The following OR52I2 variants were observed in gnomAD, a reference collection of about 807,000 sequenced individuals.
OR52I2 encodes the protein olfactory receptor family 52 subfamily I member 2.
For synonymous variants in OR52I2, 147 were observed against 151.9 expected (o/e 0.97, Z 0.24); for missense variants, 350 against 402.4 (o/e 0.87, Z 1.11).
intron 1 of OR52I2, among the ~76,000 whole-genome samples, chr11:4,583,962 A>G (rs536360198): frequency 1.3e-5 from 2 of 152,314 alleles, no homozygotes; most frequent in Admixed American, 1.3e-4. Context: ...TGCTTGGCTA[A>G]CAGAGAAAAT....
chr11:4,583,647 A>C (rs1039009512), intron 1 of OR52I2, among the ~76,000 whole-genome samples: 2 of 152,234 alleles, frequency 1.3e-5, no homozygotes, highest in African/African-American at 4.8e-5. Flanking sequence ...AGCAGTTTAC[A>C]GTGAGCTCCT....
chr11:4,587,867 C>T lies in OR52I2; in HGVS notation c.*2C>T, dbSNP rs771471204. The T allele has an allele frequency of 1.7e-5, 28 of 1,611,110 alleles. No homozygotes were observed. In the South Asian group the frequency reaches 2.5e-4, roughly 15 times the overall value. On this transcript the variant is annotated 3_prime_UTR_variant, in exon 2 of 2. Transcript: ENST00000641896. ...GACCATTCCAACCTGGGTTCATGAA[C>T]ACAATATCTGTTCAGATCCAGCCAA...
intron 1 of OR52I2, among the ~76,000 whole-genome samples, 196 bp downstream of exon 1, chr11:4,582,060 A>G (rs1564858924): frequency 1.3e-5 from 2 of 152,190 alleles, no homozygotes; most frequent in Non-Finnish European, 2.9e-5. Flanking sequence ...GGAGGTGGAG[A>G]GGGAACGGAA....
At chr11:4,582,180 C>T (rs1766392323) in intron 1 of OR52I2, among the ~76,000 whole-genome samples, 1 of 152,038 alleles carries the variant, frequency 6.6e-6, no homozygotes, top group Non-Finnish European at 1.5e-5. Flanking sequence ...ATAATCCAAG[C>T]AATAGGGGTG....
exon 2 of OR52I2, chr11:4,586,927 C>A: frequency 6.2e-7 from 1 of 1,614,122 alleles, no homozygotes; most frequent in African/African-American, 1.3e-5. Flanking sequence ...AATGGAAACC[C>A]CTGCCTCCTT....
chr11:4,585,854 C>T (rs927896102), intron 1 of OR52I2, among the ~76,000 whole-genome samples: 1 of 152,192 alleles, frequency 6.6e-6, no homozygotes, highest in Admixed American at 6.5e-5. Flanking sequence ...GATGTTTGAT[C>T]TATTTTACAA....
chr11:4,591,578 C>T (rs1018151341), exon 2 of OR52I2: 5 of 152,170 alleles, frequency 3.3e-5, no homozygotes, highest in Admixed American at 2.6e-4. Context: ...ATGGTCTGGT[C>T]TACACTTGAG....
At chr11:4,588,597 T>TCCTTGC (rs1383469408) in exon 2 of OR52I2, 8 of 152,262 alleles carry the variant, frequency 5.3e-5, no homozygotes, top group African/African-American at 1.9e-4. Context: ...AAACTCATCT[T>TCCTTGC]CCTTGCCCTC....
exon 2 of OR52I2, chr11:4,588,969 C>T (rs1173410116): frequency 1.3e-5 from 2 of 152,202 alleles, no homozygotes; most frequent in African/African-American, 2.4e-5. Flanking sequence ...TGAACTTTCA[C>T]AAATCCTACC....
At position 4,587,719 on chromosome 11, in the gene OR52I2, A is replaced by C. The variant is rs146308175; in HGVS notation, c.829A>C (p.Thr277Pro). 3.8e-5 allele frequency: 61 copies of C among 1,614,036 alleles called. No individual in the cohort carries two copies. The African/African-American group carries it at 7.3e-4, about 19-fold the overall frequency. Residue 277 changes from threonine (T) to proline (P), a missense_variant, in exon 2 of 2, where the codon ACC becomes CCC. Thr to Pro is a conservative substitution (Grantham distance 38). Coordinates refer to ENST00000641896, the Ensembl canonical transcript of OR52I2. ...GGGGCAGGATGTAGTGCCCTTGCAC[A>C]CCCAAGTCCTGCTAGCTGACCTGTA... is the stretch of plus-strand genomic sequence containing the variant.
intron 1 of OR52I2, among the ~76,000 whole-genome samples, chr11:4,582,434 A>ATTTTTTTTTTTTTTTTTTTTTT (rs386372959): frequency 2.1e-5 from 2 of 96,482 alleles, no homozygotes; most frequent in African/African-American, 4.3e-5. Flanking sequence ...TTTATTTTTC[A>ATTTTTTTTTTTTTTTTTTTTTT]TTTTTTTTTT....
chr11:4,586,794 T>G (rs756367816), intron 1 of OR52I2, 78 bp from the exon 2 acceptor site: 14 of 1,601,534 alleles, frequency 8.7e-6, no homozygotes, highest in Non-Finnish European at 2.6e-6. Context: ...AGAATATCCT[T>G]AGGTTTTCCC....
chr11:4,589,804 A>C (rs1241712736), exon 2 of OR52I2: 1 of 152,160 alleles, frequency 6.6e-6, no homozygotes, highest in Non-Finnish European at 1.5e-5. Context: ...ATAAACAGAA[A>C]GGCTTGATTC....
rs144124744 is a variant in OR52I2 at position 4,584,878 on chromosome 11, ACAC to A, written c.-19-1992_-19-1990del. ...TTTAATAGTGGTCTTCAAGTCACAC[ACAC>A]CCATTTAAGGATGCTACTTGCAGCA... On this transcript the variant is annotated intron_variant, in intron 1 of 1. Transcript: ENST00000641896. 3.8e-3 allele frequency among the ~76,000 whole-genome samples: 576 copies of A among 152,292 alleles called. 3 individuals are homozygous for A. The highest frequency in any genetic ancestry group is 0.013 in the African/African-American group (544 of 41,554).
intron 1 of OR52I2, among the ~76,000 whole-genome samples, chr11:4,583,875 G>C (rs1846278995): frequency 6.6e-6 from 1 of 152,154 alleles, no homozygotes; most frequent in Admixed American, 6.5e-5. Context: ...TCAGTGCTAG[G>C]CTTTCTAGGA....
intron 1 of OR52I2, among the ~76,000 whole-genome samples, chr11:4,583,311 C>G (rs1846274299): frequency 6.6e-6 from 1 of 151,834 alleles, no homozygotes; most frequent in Non-Finnish European, 1.5e-5. Context: ...GAAAGGTATG[C>G]CCAGTTAGTT....
exon 2 of OR52I2, chr11:4,588,182 C>T (rs1048281089): frequency 2.3e-4 from 71 of 306,052 alleles, no homozygotes; most frequent in Middle Eastern, 9.8e-4. Flanking sequence ...CTGCTCCTGC[C>T]TCACCAACTC....
chr11:4,588,060 G>C (rs1846322159), exon 2 of OR52I2: 1 of 591,790 alleles, frequency 1.7e-6, no homozygotes. Flanking sequence ...CAATCAACTT[G>C]TATCTGAATC....
At chr11:4,583,637 A>C (rs1240949046) in intron 1 of OR52I2, among the ~76,000 whole-genome samples, 2 of 152,214 alleles carry the variant, frequency 1.3e-5, no homozygotes, top group Non-Finnish European at 2.9e-5. Context: ...CCAGTGTCCC[A>C]GCAGTTTACA....
Sources: allele counts gnomAD v4.1 joint callset (sites outside exome capture counted in the v4.1 genomes callset), GRCh38; gene constraint gnomAD v4.1.1; transcripts MANE v1.5; gene names NCBI Gene and HGNC (gene_info 2026-07-23, HGNC 2026-07-21).